Variants in COBL observed in about 807,000 individuals in gnomAD.
COBL encodes the protein protein cordon-bleu.
In COBL, 51 loss-of-function variants were observed where a neutral mutation model predicts 98.8. That is an observed-to-expected ratio of 0.52 (90% CI 0.41 to 0.65). COBL has a LOEUF of 0.65. Ranked by LOEUF, COBL falls within the 30% of genes least tolerant of loss-of-function variation. COBL has a pLI of 0.00. For missense variants in COBL, 1,617 were observed against 1,617.5 expected, an observed-to-expected ratio of 1.00 and a Z score of 0.01; for synonymous variants, 634 against 651.7, an observed-to-expected ratio of 0.97 and a Z score of 0.41.
At chr7:51,240,980 G>A (rs774685093) in intron 1 of COBL, among the ~76,000 whole-genome samples, 6 of 152,180 alleles carry the variant, frequency 3.9e-5, no homozygotes, top group African/African-American at 9.7e-5. Context: ...GGTGACTGGT[G>A]AGCAGTGGGC....
chr7:51,253,015 G>A (rs1796868852), intron 1 of COBL, among the ~76,000 whole-genome samples: 1 of 152,094 alleles, frequency 6.6e-6, no homozygotes, highest in Non-Finnish European at 1.5e-5. Flanking sequence ...CTGAGGTCAG[G>A]AGTTCGAGAC....
At chr7:51,045,504 C>T (rs969571688) in intron 7 of COBL, among the ~76,000 whole-genome samples, 2 of 152,158 alleles carry the variant, frequency 1.3e-5, no homozygotes, top group Non-Finnish European at 2.9e-5. Flanking sequence ...CTGGACTGAG[C>T]GAGGTGGTGG....
chr7:51,234,772 A>C (rs900860298), intron 1 of COBL, among the ~76,000 whole-genome samples: 3 of 152,058 alleles, frequency 2.0e-5, no homozygotes, highest in African/African-American at 7.2e-5. Flanking sequence ...CCCTGACTGA[A>C]GGGCCAGGGC....
intron 1 of COBL, among the ~76,000 whole-genome samples, chr7:51,260,868 G>C (rs1797649906): frequency 6.6e-6 from 1 of 152,144 alleles, no homozygotes; most frequent in African/African-American, 2.4e-5. Flanking sequence ...GTCAATAACA[G>C]GGCACTTGCA....
intron 1 of COBL, among the ~76,000 whole-genome samples, chr7:51,284,295 C>T (rs1224028474): frequency 3.3e-5 from 5 of 150,438 alleles, no homozygotes; most frequent in Admixed American, 6.6e-5. Flanking sequence ...AGCAAGACTC[C>T]GTCTCAAAAA....
At position 51,026,613 on chromosome 7, in the gene COBL, G is replaced by T; in HGVS notation, c.3437C>A (p.Ala1146Glu). 1.2e-6 allele frequency: 2 copies of T among 1,614,130 alleles called. No individual in the cohort carries two copies. Among genetic ancestry groups the T allele is most frequent in the Non-Finnish European group, 1.7e-6 (2 of 1,180,042 alleles). The change falls in exon 11 of 13, where the codon GCA (alanine) becomes GAA (glutamate). Residue 1146 changes from alanine (A) to glutamate (E), a missense_variant. This residue lies in a region of COBL where 1,304 missense variants were observed against 1,282.0 expected (regional missense o/e 1.02). Coordinates refer to ENST00000265136, the MANE Select transcript of COBL (RefSeq NM_015198.5). ...CAGCAGTGCAGATCGTTCGCCCTCT[G>T]CCTCCGTGTAGGACAGTTTCGCTGG... ...GRPAKLSYTE[A>E]EGERSALLAA...
At chr7:51,107,085 TTTGTTTG>T (rs1178291797) in intron 6 of COBL, among the ~76,000 whole-genome samples, 2 of 90,266 alleles carry the variant, frequency 2.2e-5, no homozygotes, top group African/African-American at 3.9e-5. Context: ...GTGATCCTAG[TTTGTTTG>T]TTTTTTTTTT....
intron 7 of COBL, among the ~76,000 whole-genome samples, chr7:51,059,797 A>T (rs1791141331): frequency 1.3e-5 from 2 of 152,192 alleles, no homozygotes; most frequent in South Asian, 2.1e-4. Flanking sequence ...TACAGCCAAG[A>T]TGATTGCCTT....
chr7:51,268,314 C>T (rs901919418), intron 1 of COBL, among the ~76,000 whole-genome samples: 4 of 152,226 alleles, frequency 2.6e-5, no homozygotes, highest in African/African-American at 9.6e-5. Context: ...ATGCACCCTG[C>T]ACCATGGTAA....
At chr7:51,093,500 A>G (rs1794999218) in intron 6 of COBL, among the ~76,000 whole-genome samples, 1 of 152,344 alleles carries the variant, frequency 6.6e-6, no homozygotes, top group Non-Finnish European at 1.5e-5. Context: ...ACTTCTGAGT[A>G]CTATCCAAAA....
chr7:51,155,639 A>G (rs1393268801), intron 5 of COBL, among the ~76,000 whole-genome samples: 4 of 150,070 alleles, frequency 2.7e-5, no homozygotes, highest in Admixed American at 6.7e-5. Context: ...CAGTTCCTAT[A>G]TAGCCCTGGT....
At chr7:51,112,591 G>A (rs770468161) in intron 6 of COBL, among the ~76,000 whole-genome samples, 1 of 152,182 alleles carries the variant, frequency 6.6e-6, no homozygotes, top group African/African-American at 2.4e-5. Context: ...CTGAGCACCA[G>A]TATTTGACTA....
At chr7:51,099,901 T>C (rs1795662081) in intron 6 of COBL, among the ~76,000 whole-genome samples, 1 of 152,218 alleles carries the variant, frequency 6.6e-6, no homozygotes, top group Non-Finnish European at 1.5e-5. Context: ...CCCACTGTTC[T>C]AACTTGTAAG....
chr7:51,190,597 C>T (rs938074524), intron 4 of COBL, among the ~76,000 whole-genome samples: 3 of 152,080 alleles, frequency 2.0e-5, no homozygotes, highest in Non-Finnish European at 2.9e-5. Flanking sequence ...TTACTTATGT[C>T]GTGGAAGTTT....
intron 2 of COBL, among the ~76,000 whole-genome samples, chr7:51,196,743 T>G (rs1435691745): frequency 6.6e-6 from 1 of 152,052 alleles, no homozygotes; most frequent in Non-Finnish European, 1.5e-5. Flanking sequence ...TTCTTCCTGG[T>G]TCAGTCTTGG....
chr7:51,134,736 A>G (rs1273220424), intron 6 of COBL, among the ~76,000 whole-genome samples: 1 of 152,218 alleles, frequency 6.6e-6, no homozygotes, highest in Admixed American at 6.5e-5. Context: ...TGGTCTGCAT[A>G]TTATAAAAAA....
intron 7 of COBL, chr7:51,073,467 C>T: frequency 1.7e-6 from 1 of 584,686 alleles, no homozygotes; most frequent in Non-Finnish European, 3.2e-6. Context: ...CATTTTCCAG[C>T]CCCTGGAGAT....
chr7:51,139,463 A>C (rs548167124), intron 5 of COBL, among the ~76,000 whole-genome samples: 23 of 152,300 alleles, frequency 1.5e-4, no homozygotes, highest in South Asian at 1.2e-3. Flanking sequence ...TCTGGAACTT[A>C]ACTGAATTTC....
Position 51,028,389 on chromosome 7 carries a change from G to C in COBL, c.2707C>G (p.Leu903Val). 6.2e-7 allele frequency: 1 copy of C among 1,614,286 alleles called. No individual in the cohort carries two copies. The highest frequency in any genetic ancestry group is 8.5e-7 in the Non-Finnish European group (1 of 1,180,054). Reference sequence around the variant, plus strand: ...TTCACAGTGACAGGTGGTGCAGCCAGCACTGGCGCCTTGCCTGCATAACCC... The same window carrying C: ...TTCACAGTGACAGGTGGTGCAGCCACCACTGGCGCCTTGCCTGCATAACCC... ...EKGYAGKAPV[L>V]AAPPVTVKDD... The change falls in exon 10 of 13, where the codon CTG (leucine) becomes GTG (valine). Residue 903 changes from leucine (L) to valine (V), a missense_variant. By Grantham distance (32) the Leu-to-Val change is conservative. Transcript: ENST00000265136.
Sources: allele counts gnomAD v4.1 joint callset (sites outside exome capture counted in the v4.1 genomes callset), GRCh38; gene constraint gnomAD v4.1.1; regional missense constraint gnomAD v4.1.1; transcripts MANE v1.5; gene names NCBI Gene and HGNC (gene_info 2026-07-23, HGNC 2026-07-21).